Variants in B9D1 observed in about 807,000 individuals in gnomAD.
B9D1 encodes the protein B9 domain containing 1, also known as B9 domain-containing protein 1.
In B9D1, 20 loss-of-function variants were observed where a neutral mutation model predicts 26.1. The ratio of observed to expected loss-of-function variants is 0.77; its 90% confidence interval spans 0.54 to 1.12. The LOEUF (loss-of-function observed/expected upper bound fraction) is 1.12, where lower values mean the gene tolerates loss of function less well. Ranked by LOEUF, B9D1 falls within the 50% of genes most tolerant of loss-of-function variation. The pLI is 0.00. For missense variants in B9D1, 260 were observed against 273.7 expected (o/e 0.95, Z 0.35); for synonymous variants, 105 against 103.1 (o/e 1.02, Z -0.11).
Position 19,362,548 on chromosome 17 carries a change from C to A in B9D1, c.22G>T (p.Val8Phe). ...TGCCCGTTGACCATGAGTAGAAAGA[C>A]GCTAGGACTCGCGGTCGCCATGGCA... MATASPS[V>F]FLLMVNGQVE... Residue 8 changes from valine to phenylalanine, a missense_variant, in exon 1 of 7, where the codon GTC (valine) becomes TTC (phenylalanine). Physicochemically the swap from Val to Phe is conservative, Grantham distance 50 (BLOSUM62 -1). Coordinates refer to ENST00000261499, the MANE Select transcript of B9D1 (RefSeq NM_015681.6). 6.3e-7 allele frequency: 1 copy of A among 1,588,650 alleles called. No homozygotes were observed. Among genetic ancestry groups the A allele is most frequent in the Non-Finnish European group, 8.6e-7 (1 of 1,167,580 alleles).
chr17:19,351,725 C>CT (rs1909632082), intron 3 of B9D1, among the ~76,000 whole-genome samples: 1 of 152,102 alleles, frequency 6.6e-6, no homozygotes, highest in African/African-American at 2.4e-5. Context: ...ATTCTTATTC[C>CT]TTTTTTGCAG....
downstream of B9D1, chr17:19,343,112 A>C (rs1451631471): frequency 4.9e-6 from 7 of 1,424,258 alleles, no homozygotes; most frequent in Admixed American, 5.8e-5. Flanking sequence ...GGAAAGGCCC[A>C]AGAGCCCCCA....
intron 1 of B9D1, among the ~76,000 whole-genome samples, chr17:19,362,167 A>G (rs1323539268): frequency 1.3e-5 from 2 of 152,182 alleles, no homozygotes; most frequent in Non-Finnish European, 2.9e-5. Flanking sequence ...AAATGCTGGA[A>G]ACTCGGCCAA....
At position 19,359,659 on chromosome 17, in the gene B9D1, G is replaced by A. The variant is rs566139720; in HGVS notation, c.132+661C>T. 4.6e-5 allele frequency among the ~76,000 whole-genome samples: 7 copies of A among 152,240 alleles called. No individual in the cohort carries two copies. The highest frequency in any genetic ancestry group is 2.1e-4 in the South Asian group (1 of 4,816). On this transcript the variant is annotated intron_variant, in intron 2 of 6. Coordinates refer to ENST00000261499, the MANE Select transcript of B9D1 (RefSeq NM_015681.6). The surrounding 1 kb of genome is among the most constrained non-coding windows in gnomAD (Gnocchi z 5.0). Reference sequence around the variant, plus strand: ...ACCCCCCAGCAAGAACGTGCGCTCCGGGAAGGCAGGGTCTTCTGGTTTGGC... The same window carrying A: ...ACCCCCCAGCAAGAACGTGCGCTCCAGGAAGGCAGGGTCTTCTGGTTTGGC...
intron 5 of B9D1, among the ~76,000 whole-genome samples, chr17:19,345,611 G>A (rs1440099248): frequency 6.6e-6 from 1 of 152,238 alleles, no homozygotes; most frequent in Non-Finnish European, 1.5e-5. Context: ...GCAATAAACA[G>A]AGTCTCCCCT....
chr17:19,340,505 C>T (rs1022609630), downstream of B9D1, among the ~76,000 whole-genome samples: 3 of 148,984 alleles, frequency 2.0e-5, no homozygotes, highest in African/African-American at 4.9e-5. Context: ...CTTGGCCAGG[C>T]GCAGTGGCTC....
chr17:19,341,373 CT>C (rs1459342827), downstream of B9D1: 4 of 1,207,246 alleles, frequency 3.3e-6, no homozygotes, highest in Admixed American at 8.4e-5. Flanking sequence ...GGGTGCTGGG[CT>C]TTTGCTCTGT....
In B9D1 at chr17:19,347,016, T is replaced by C. The variant is rs1478231803; in HGVS notation, c.404+253A>G. The C allele has an allele frequency of 2.6e-6, 4 of 1,542,786 alleles. No individual in the cohort carries two copies. In the African/African-American group the frequency reaches 4.1e-5, roughly 16 times the overall value. ...GCATTTTTCCCATCTGACAAGAGTT[T>C]TTCCTCTGCTCCCTCAGACACAAAG... On this transcript the variant is annotated intron_variant, in intron 5 of 6. Coordinates refer to ENST00000261499, the MANE Select transcript of B9D1 (RefSeq NM_015681.6). This position sits in a 1 kb window ranked among gnomAD's most constrained non-coding sequence, Gnocchi z 4.3.
intron 5 of B9D1, among the ~76,000 whole-genome samples, chr17:19,344,829 G>A (rs1349848665): frequency 2.6e-5 from 4 of 152,246 alleles, no homozygotes; most frequent in Non-Finnish European, 2.9e-5. Context: ...CACAGCCAGG[G>A]AGCACTGCCC....
In B9D1 at chr17:19,343,788, A is replaced by G; in HGVS notation, c.472+2T>C. ...GGGGTAAGAGAGGGGAGGGAGCTTT[A>G]CCTTCCCGGCCTTCACCCTGAGCCA... is the stretch of plus-strand genomic sequence containing the variant. On this transcript the variant is annotated splice_donor_variant, in intron 6 of 6. Coordinates refer to ENST00000261499, the MANE Select transcript of B9D1 (RefSeq NM_015681.6). LOFTEE classifies it high-confidence loss of function. The G allele has an allele frequency of 6.2e-7, 1 of 1,612,880 alleles. No individual in the cohort carries two copies. Among genetic ancestry groups the G allele is most frequent in the Non-Finnish European group, 8.5e-7 (1 of 1,179,124 alleles).
intron 1 of B9D1, among the ~76,000 whole-genome samples, chr17:19,369,041 T>C (rs996308351): frequency 6.6e-6 from 1 of 152,202 alleles, no homozygotes; most frequent in African/African-American, 2.4e-5. Flanking sequence ...TTTCCCCCTC[T>C]GAGAAACAGT....
chr17:19,353,533 G>A (rs1407773742), intron 3 of B9D1, among the ~76,000 whole-genome samples: 1 of 151,792 alleles, frequency 6.6e-6, no homozygotes, highest in Admixed American at 6.6e-5. Flanking sequence ...CCAGCTACTT[G>A]GGAGGGTGAG....
At chr17:19,362,202 A>G (rs907812520) in intron 1 of B9D1, among the ~76,000 whole-genome samples, 1 of 152,224 alleles carries the variant, frequency 6.6e-6, no homozygotes, top group African/African-American at 2.4e-5. Flanking sequence ...CGTTAACCCC[A>G]GGAGGCTCCT....
At position 19,347,792 on chromosome 17, in the gene B9D1, T is replaced by C; in HGVS notation, c.333A>G (p.Ser111=). ...TCAGAATGAGGACCTACCGGCCAGGTGAGAAGGGCACGTGCACGGCCCCAT... is the reference window on the plus strand; with the variant it reads ...TCAGAATGAGGACCTACCGGCCAGGCGAGAAGGGCACGTGCACGGCCCCAT... ...RGYGAVHVPF[S]PGRHKRTIPM... is the part of the protein sequence containing the mutation. The change falls in exon 4 of 7, where the codon TCA becomes TCG. Residue 111 remains serine, a synonymous_variant. Coordinates refer to ENST00000261499, the MANE Select transcript of B9D1 (RefSeq NM_015681.6). This position sits in a 1 kb window ranked among gnomAD's most constrained non-coding sequence, Gnocchi z 4.3. The C allele has an allele frequency of 1.9e-6, 3 of 1,613,734 alleles. No homozygotes were observed. The highest frequency in any genetic ancestry group is 1.7e-6 in the Non-Finnish European group (2 of 1,179,926).
chr17:19,344,342 C>G (rs1179004652), intron 5 of B9D1, among the ~76,000 whole-genome samples: 1 of 152,224 alleles, frequency 6.6e-6, no homozygotes. Context: ...TCAGCCTTAC[C>G]TCCCACTAGT....
rs1375560294 is a variant in B9D1, at chr17:19,347,279, TC to T, written c.393del (p.Lys132SerfsTer27). ...MFVPESTSKL[Q>X]KFTSWFMGRR... ...GGGTACAAAACTCACCTTGTAAACT[TC>T]TGCAGTTTAGACGTAGATTCTGGGA... On this transcript the variant is annotated frameshift_variant, in exon 5 of 7. Coordinates refer to ENST00000261499, the MANE Select transcript of B9D1 (RefSeq NM_015681.6). LOFTEE classifies it high-confidence loss of function. This position sits in a 1 kb window ranked among gnomAD's most constrained non-coding sequence, Gnocchi z 4.3. 6.2e-7 allele frequency: 1 copy of T among 1,614,246 alleles called. No individual in the cohort carries two copies. The highest frequency in any genetic ancestry group is 1.7e-5 in the Admixed American group (1 of 60,028).
At chr17:19,335,405 G>C (rs774644390), downstream of B9D1, 31 of 1,548,622 alleles carry the variant, frequency 2.0e-5, no homozygotes, top group Middle Eastern at 1.7e-4. Flanking sequence ...TTTATTAAAG[G>C]CATGCAGGGA....
downstream of B9D1, among the ~76,000 whole-genome samples, chr17:19,339,215 A>G (rs1907702235): frequency 1.3e-5 from 2 of 152,174 alleles, no homozygotes; most frequent in Admixed American, 1.3e-4. Context: ...TTTTGATGCT[A>G]ATTTTTTTTA....
At chr17:19,341,554 G>A (rs2152249774), downstream of B9D1, among the ~76,000 whole-genome samples, 1 of 152,334 alleles carries the variant, frequency 6.6e-6, no homozygotes, top group East Asian at 1.9e-4. Context: ...AATGTGGGGT[G>A]GTTGTGGGAA....
Sources: gnomAD v4.1 joint callset for allele counts (sites outside exome capture counted in the v4.1 genomes callset) on GRCh38, gnomAD v4.1.1 for gene constraint, Gnocchi (gnomAD v3.1) non-coding constraint, MANE v1.5 for transcripts, NCBI Gene and HGNC (gene_info 2026-07-23, HGNC 2026-07-21) for gene names.